JMY: variants seen among roughly 807,000 people sequenced by gnomAD.
JMY encodes junction mediating and regulatory protein, p53 cofactor, also known as junction-mediating and -regulatory protein.
A neutral mutation model predicts 103.3 loss-of-function variants in JMY; 46 were observed. The ratio of observed to expected loss-of-function variants is 0.45; its 90% CI spans 0.35 to 0.57. The LOEUF is 0.57. Among genes scored for constraint, JMY ranks in the 20% least tolerant of loss-of-function variants. The pLI is 0.00. For missense variants in JMY, 1,238 were observed against 1,255.2 expected (o/e 0.99, Z 0.21); for synonymous variants, 526 against 489.3 (o/e 1.07, Z -0.99).
At chr5:79,299,574 T>C (rs1411646748) in intron 4 of JMY, among the ~76,000 whole-genome samples, 1 of 152,146 alleles carries the variant, frequency 6.6e-6, no homozygotes, top group Non-Finnish European at 1.5e-5. Flanking sequence ...CCTAGGACGT[T>C]GATTACATTT....
chr5:79,271,829 TGGG>T (rs1219752736), intron 1 of JMY, among the ~76,000 whole-genome samples: 2 of 152,196 alleles, frequency 1.3e-5, no homozygotes, highest in Non-Finnish European at 2.9e-5. Flanking sequence ...TGTTCTGGGC[TGGG>T]CGCAGTGGCT....
chr5:79,291,083 ATTAAG>A (rs1416205623), intron 3 of JMY, 42 bp from the exon 4 acceptor site: 1 of 1,348,714 alleles, frequency 7.4e-7, no homozygotes. Context: ...ATGCTTCAGT[ATTAAG>A]TTGTTATTTG....
Position 79,325,248 on chromosome 5 carries a change from T to C in JMY, c.*3646T>C, listed in dbSNP as rs1209555266. On this transcript the variant is annotated 3_prime_UTR_variant, in exon 11 of 11. Coordinates refer to ENST00000396137, the MANE Select transcript of JMY (RefSeq NM_152405.5). ...TTGGGGTTTTCTTTTTTCAGCTTTA[T>C]TATTGAAGTATTACAAACTTAACAT... is the stretch of plus-strand genomic sequence containing the variant. 3.3e-5 allele frequency: 5 copies of C among 152,212 alleles called. No individual in the cohort carries two copies. Among genetic ancestry groups the C allele is most frequent in the African/African-American group, 1.2e-4 (5 of 41,472 alleles). The allele number at this position is 152,212 out of a possible 1,614,324, so 9.4% of individuals were successfully genotyped here.
At chr5:79,240,710 G>A (rs1744712140) in intron 1 of JMY, among the ~76,000 whole-genome samples, 2 of 152,214 alleles carry the variant, frequency 1.3e-5, no homozygotes, top group Admixed American at 1.3e-4. Context: ...ATTATATTGG[G>A]GGAGGGAGGG....
rs957784206 is a variant in JMY at position 79,300,740 on chromosome 5, A to G, written c.1758A>G (p.Glu586=). 1.7e-5 allele frequency: 28 copies of G among 1,612,136 alleles called. No individual in the cohort carries two copies. The highest frequency in any genetic ancestry group is 9.3e-6 in the Non-Finnish European group (11 of 1,179,422). The part of the protein sequence containing the change: ...YESMEAMLEK[E]EMAASAYLQR... ...GCATGGAGGCCATGCTGGAGAAGGA[A>G]GAGATGGCAGCATCTGCGTACTTAC... Residue 586 remains glutamate (E), a synonymous_variant, in exon 6 of 11, where the codon GAA becomes GAG. Transcript: ENST00000396137.
At chr5:79,254,853 CTG>C (rs1413303558) in intron 1 of JMY, among the ~76,000 whole-genome samples, 4 of 151,218 alleles carry the variant, frequency 2.6e-5, no homozygotes, top group African/African-American at 9.7e-5. Flanking sequence ...TTCCTCTTGA[CTG>C]TATTTTCAAA....
chr5:79,257,229 T>C (rs921392790), intron 1 of JMY, among the ~76,000 whole-genome samples: 2 of 151,962 alleles, frequency 1.3e-5, no homozygotes, highest in Non-Finnish European at 2.9e-5. Context: ...TGAGCTACCA[T>C]GCCCGGCTAA....
At chr5:79,275,921 A>T (rs1745924420) in intron 1 of JMY, among the ~76,000 whole-genome samples, 2 of 152,204 alleles carry the variant, frequency 1.3e-5, no homozygotes, top group African/African-American at 4.8e-5. Flanking sequence ...ATTCAGCATG[A>T]TTACACATAT....
At chr5:79,273,676 A>G (rs1745849899) in intron 1 of JMY, among the ~76,000 whole-genome samples, 2 of 152,216 alleles carry the variant, frequency 1.3e-5, no homozygotes, top group Non-Finnish European at 2.9e-5. Context: ...GCGTACGCCT[A>G]TAATCCTAAC....
At chr5:79,255,688 G>T (rs1745218953) in intron 1 of JMY, among the ~76,000 whole-genome samples, 1 of 152,242 alleles carries the variant, frequency 6.6e-6, no homozygotes, top group African/African-American at 2.4e-5. Context: ...GACTCATAAA[G>T]GTACCACCTT....
intron 1 of JMY, among the ~76,000 whole-genome samples, chr5:79,273,525 A>G (rs982394668): frequency 3.3e-5 from 5 of 152,210 alleles, no homozygotes; most frequent in Admixed American, 1.3e-4. Context: ...GCTTGGAGCT[A>G]TTAGAGCTTC....
At chr5:79,306,352 A>C in intron 6 of JMY, 23 bp from the exon 7 acceptor site, 1 of 1,552,514 alleles carries the variant, frequency 6.4e-7, no homozygotes, top group Non-Finnish European at 8.9e-7. Flanking sequence ...ACTTGTATTA[A>C]AACACATTTT....
Position 79,236,696 on chromosome 5 carries a change from G to C in JMY, c.46G>C (p.Val16Leu). 5 of 1,495,810 alleles carry C rather than the reference G, an allele frequency of 3.3e-6. No homozygotes were observed. Among genetic ancestry groups the C allele is most frequent in the Non-Finnish European group, 4.5e-6 (5 of 1,119,182 alleles). 92.7% of individuals were successfully genotyped at this position (1,495,810 alleles called of 1,614,324 possible). ...GACGCTCGAGTCGGACTGGGTGGCT[G>C]TGCGGCCCCATGTGTTCGACGAGCG... ...EETLESDWVA[V>L]RPHVFDEREK... Residue 16 changes from valine to leucine, a missense_variant, in exon 1 of 11, where the codon GTG becomes CTG. Coordinates refer to ENST00000396137, the MANE Select transcript of JMY (RefSeq NM_152405.5).
chr5:79,278,811 T>TC (rs769811865), intron 2 of JMY, among the ~76,000 whole-genome samples: 8 of 149,556 alleles, frequency 5.3e-5, no homozygotes, highest in South Asian at 4.2e-4. Flanking sequence ...TTTTTTTTTT[T>TC]CGAGATGGGA....
At chr5:79,280,396 A>G (rs1450433196) in intron 2 of JMY, among the ~76,000 whole-genome samples, 1 of 152,236 alleles carries the variant, frequency 6.6e-6, no homozygotes, top group Non-Finnish European at 1.5e-5. Context: ...TATATTGTCC[A>G]CTAGCATCAC....
At chr5:79,299,996 A>G (rs1211473172) in intron 4 of JMY, among the ~76,000 whole-genome samples, 157 bp from the exon 5 acceptor site, 2 of 151,576 alleles carry the variant, frequency 1.3e-5, no homozygotes, top group Admixed American at 1.3e-4. Context: ...ATATATATAT[A>G]TATATTTTTA....
chr5:79,260,012 C>T (rs1376639183), intron 1 of JMY, among the ~76,000 whole-genome samples: 5 of 152,234 alleles, frequency 3.3e-5, no homozygotes, highest in East Asian at 1.9e-4. Flanking sequence ...CCCCTCAGTG[C>T]CCGACTGTAC....
chr5:79,273,062 G>T (rs1206910574), intron 1 of JMY, among the ~76,000 whole-genome samples: 3 of 152,084 alleles, frequency 2.0e-5, no homozygotes, highest in Admixed American at 1.3e-4. Flanking sequence ...TATGATTTTT[G>T]CTTTGAACAC....
intron 7 of JMY, 35 bp downstream of exon 7, chr5:79,306,496 A>C (rs747540979): frequency 2.8e-6 from 4 of 1,446,142 alleles, no homozygotes; most frequent in African/African-American, 1.4e-5. Flanking sequence ...AACAAAACTT[A>C]ATTTTTTTGC....
Sources: gnomAD v4.1 joint callset for allele counts (sites outside exome capture counted in the v4.1 genomes callset) on GRCh38, gnomAD v4.1.1 for gene constraint, MANE v1.5 for transcripts, NCBI Gene and HGNC (gene_info 2026-07-23, HGNC 2026-07-21) for gene names.